CREBBP: variants seen among roughly 807,000 people sequenced by gnomAD.
CREBBP encodes CREB binding lysine acetyltransferase.
A neutral mutation model predicts 265.0 loss-of-function variants in CREBBP; 19 were observed. The observed-to-expected ratio is 0.07, with a 90% CI of 0.05 to 0.11. The LOEUF is 0.11. Ranked by LOEUF, CREBBP falls within the 10% of genes least tolerant of loss-of-function variation. The pLI is 1.00. For synonymous variants in CREBBP, 1,457 were observed against 1,223.7 expected, an observed-to-expected ratio of 1.19 and a Z score of -3.98; for missense variants, 2,525 against 3,219.0, an observed-to-expected ratio of 0.78 and a Z score of 5.22.
chr16:3,865,268 G>A (rs191517815), intron 1 of CREBBP, among the ~76,000 whole-genome samples: 6 of 152,244 alleles, frequency 3.9e-5, no homozygotes, highest in Non-Finnish European at 8.8e-5. Context: ...ACTTTACAAG[G>A]CTATTCATTA....
At chr16:3,761,764 C>T (rs117782639) in intron 16 of CREBBP, among the ~76,000 whole-genome samples, 284 of 152,328 alleles carry the variant, frequency 1.9e-3, no homozygotes, top group Non-Finnish European at 3.5e-3. Context: ...TGGGAAGCGT[C>T]GGAAACACAC....
At chr16:3,845,664 T>A (rs556196888) in intron 2 of CREBBP, among the ~76,000 whole-genome samples, 1 of 152,104 alleles carries the variant, frequency 6.6e-6, no homozygotes, top group South Asian at 2.1e-4. Context: ...GGTGGGTGGA[T>A]CGCTTGAGCT....
chr16:3,748,924 T>C (rs536660971), intron 21 of CREBBP, among the ~76,000 whole-genome samples: 19 of 152,298 alleles, frequency 1.2e-4, no homozygotes, highest in African/African-American at 4.6e-4. Flanking sequence ...GACAGGCACA[T>C]CACCTGAGGT....
At chr16:3,752,997 G>A (rs536897894) in intron 19 of CREBBP, among the ~76,000 whole-genome samples, 37 of 152,310 alleles carry the variant, frequency 2.4e-4, no homozygotes, top group Admixed American at 1.6e-3. Context: ...ATAAACAAGC[G>A]GGTGGAGGTG....
Position 3,793,469 on chromosome 16 carries a change from C to A in CREBBP, c.1133G>T (p.Arg378Leu). 1 of 1,614,096 alleles carries A rather than the reference C, an allele frequency of 6.2e-7. No individual in the cohort carries two copies. The highest frequency in any genetic ancestry group is 8.5e-7 in the Non-Finnish European group (1 of 1,180,010). ...QRREQANGEV[R>L]ACSLPHCRTM... is the part of the protein sequence containing the mutation. ...TCGACAATGCGGGAGCGAGCAGGCC[C>A]GAACCTCTCCGTTTGCTTGCTCTCG... Residue 378 changes from arginine (R) to leucine (L), a missense_variant, in exon 4 of 31, where the codon CGG becomes CTG. Transcript: ENST00000262367.
chr16:3,823,921 T>C (rs1175715172), intron 2 of CREBBP, among the ~76,000 whole-genome samples: 1 of 151,862 alleles, frequency 6.6e-6, no homozygotes, highest in Non-Finnish European at 1.5e-5. Flanking sequence ...GTGATGCTCT[T>C]ATCTTTAGGA....
intron 11 of CREBBP, 33 bp downstream of exon 11, chr16:3,777,580 C>T (rs775053552): frequency 6.2e-7 from 1 of 1,611,772 alleles, no homozygotes; most frequent in Non-Finnish European, 8.5e-7. Flanking sequence ...GAATGTAAAA[C>T]TAAAATATGA....
intron 16 of CREBBP, 41 bp from the exon 17 acceptor site, chr16:3,759,013 G>T: frequency 6.9e-7 from 1 of 1,444,554 alleles, no homozygotes; most frequent in Non-Finnish European, 9.7e-7. Context: ...TGTAAAAGGT[G>T]CTCAGATCCC....
intron 2 of CREBBP, among the ~76,000 whole-genome samples, chr16:3,834,884 C>T (rs1194701828): frequency 6.6e-6 from 1 of 152,142 alleles, no homozygotes; most frequent in Admixed American, 6.6e-5. Context: ...TTGGGCCAGG[C>T]GCAGTGGCTC....
At chr16:3,755,350 G>A (rs778216692) in intron 19 of CREBBP, among the ~76,000 whole-genome samples, 1 of 152,212 alleles carries the variant, frequency 6.6e-6, no homozygotes, top group East Asian at 1.9e-4. Context: ...TTTAGAGACA[G>A]TGGTAAACAA....
rs527930533 is a variant in CREBBP at position 3,727,170 on chromosome 16, G to C, written c.*548C>G. On this transcript the variant is annotated 3_prime_UTR_variant, in exon 31 of 31. Coordinates refer to ENST00000262367, the MANE Select transcript of CREBBP (RefSeq NM_004380.3). ...TGGGTGTGTACGTGTGTGCACGCCG[G>C]AGTCAATTCCTATCATCCAGGGTAA... 1 of 242,610 alleles carries C rather than the reference G, an allele frequency of 4.1e-6. No individual in the cohort carries two copies. The highest frequency in any genetic ancestry group is 8.1e-6 in the Non-Finnish European group (1 of 123,882). 15.0% of individuals were successfully genotyped at this position (242,610 alleles called of 1,614,324 possible).
At chr16:3,762,486 A>C (rs1048518868) in intron 16 of CREBBP, among the ~76,000 whole-genome samples, 2 of 147,264 alleles carry the variant, frequency 1.4e-5, no homozygotes, top group Non-Finnish European at 3.0e-5. Context: ...GGCCGAGGAG[A>C]GCATTTTCAG....
intron 2 of CREBBP, among the ~76,000 whole-genome samples, chr16:3,838,748 T>A (rs1807752184): frequency 6.6e-6 from 1 of 152,172 alleles, no homozygotes; most frequent in Non-Finnish European, 1.5e-5. Flanking sequence ...AGGATTTTGA[T>A]CTGTTGCCCG....
chr16:3,846,734 C>T lies in CREBBP; in HGVS notation c.798+3563G>A, dbSNP rs547447552. 9.8e-5 allele frequency among the ~76,000 whole-genome samples: 15 copies of T among 152,292 alleles called. No homozygotes were observed. In the South Asian group the frequency reaches 2.9e-3, roughly 29 times the overall value. On this transcript the variant is annotated intron_variant, in intron 2 of 30. Transcript: ENST00000262367. ...ACTCACAAGAAAACGCTGTGTAATG[C>T]TACTCTTTATGTCTGGGGAGATAGC...
In CREBBP at chr16:3,871,287, CGAGCTGG is replaced by C. The variant is rs1251791736; in HGVS notation, c.85+8538_85+8544del. On this transcript the variant is annotated intron_variant, in intron 1 of 30. Transcript: ENST00000262367. ...TCACCAGCCCAAGTCACAGCGCTGC[CGAGCTGG>C]GAGCTGGGACTCACAGTCTACTCTG... 5.3e-5 allele frequency among the ~76,000 whole-genome samples: 8 copies of C among 151,930 alleles called. 1 individual carries two copies. In the East Asian group the frequency reaches 1.4e-3, roughly 26 times the overall value.
chr16:3,732,138 G>C (rs1229164581), intron 28 of CREBBP, among the ~76,000 whole-genome samples: 3 of 152,230 alleles, frequency 2.0e-5, no homozygotes, highest in Admixed American at 2.0e-4. Context: ...GGCCAGGCTG[G>C]TGTCATTATC....
chr16:3,727,656 C>A lies in CREBBP; in HGVS notation c.*62G>T. On this transcript the variant is annotated 3_prime_UTR_variant, in exon 31 of 31. Transcript: ENST00000262367. ...TCTAGGAATAAAAAGAACCTAGATG[C>A]CTGGATTTTCAGTACAAAAGGTCCA... is the stretch of plus-strand genomic sequence containing the variant. The A allele has an allele frequency of 2.5e-6, 4 of 1,613,412 alleles. No homozygotes were observed. The highest frequency in any genetic ancestry group is 3.4e-6 in the Non-Finnish European group (4 of 1,179,970).
intron 3 of CREBBP, among the ~76,000 whole-genome samples, chr16:3,804,327 G>A (rs2053785594): frequency 1.3e-5 from 2 of 152,064 alleles, no homozygotes; most frequent in African/African-American, 4.8e-5. Context: ...GACATTTACA[G>A]GTTCTAAGGA....
chr16:3,737,096 G>C, intron 26 of CREBBP: 1 of 526,600 alleles, frequency 1.9e-6, no homozygotes, highest in Non-Finnish European at 3.4e-6. Context: ...AAGAACCAGG[G>C]AATATGATGG....
Sources: allele counts gnomAD v4.1 joint callset (sites outside exome capture counted in the v4.1 genomes callset), GRCh38; gene constraint gnomAD v4.1.1; transcripts MANE v1.5; gene names NCBI Gene and HGNC (gene_info 2026-07-23, HGNC 2026-07-21).